Variants in LUZP2 observed in about 807,000 individuals in gnomAD.
LUZP2 encodes the protein leucine zipper protein 2.
Under a neutral mutation model 51.6 loss-of-function variants are expected in LUZP2, and 52 were observed. That is an observed-to-expected ratio of 1.01 (90% CI 0.81 to 1.27). The LOEUF (loss-of-function observed/expected upper bound fraction) is 1.27, where lower values mean the gene tolerates loss of function less well. Among genes scored for constraint, LUZP2 ranks in the 50% most tolerant of loss-of-function variants. The pLI is 0.00. For synonymous variants in LUZP2, 154 were observed against 137.3 expected (o/e 1.12, Z -0.85); for missense variants, 436 against 395.4 (o/e 1.10, Z -0.87).
At position 24,523,498 on chromosome 11, in the gene LUZP2, CA is replaced by C. The variant is rs61432027; in HGVS notation, c.62+26201del. Among the ~76,000 whole-genome samples, 7 of 148,386 alleles carry C rather than the reference CA, an allele frequency of 4.7e-5. No individual in the cohort carries two copies. In the East Asian group the frequency reaches 9.9e-4, roughly 21 times the overall value. On this transcript the variant is annotated intron_variant, in intron 1 of 11. Coordinates refer to ENST00000336930, the MANE Select transcript of LUZP2 (RefSeq NM_001009909.4). ...TAAAATATCAAGCTTCTTTTTTTTA[CA>C]AAAAAAAGAATACTTCGTTGATTTT...
At chr11:24,777,053 G>A (rs1848948793) in intron 5 of LUZP2, among the ~76,000 whole-genome samples, 1 of 150,088 alleles carries the variant, frequency 6.7e-6, no homozygotes, top group Non-Finnish European at 1.5e-5. Flanking sequence ...GGAGTGCAGT[G>A]GTGTGATCTC....
chr11:24,805,772 G>C (rs1849838071), intron 5 of LUZP2, among the ~76,000 whole-genome samples: 2 of 152,132 alleles, frequency 1.3e-5, no homozygotes, highest in Admixed American at 1.3e-4. Flanking sequence ...AAGTAGTTTG[G>C]GAAAAGGAAT....
At chr11:24,890,952 G>C (rs1223692198) in intron 5 of LUZP2, 22 of 496,168 alleles carry the variant, frequency 4.4e-5, no homozygotes, top group African/African-American at 4.2e-4. Context: ...CTCTTATGAT[G>C]AAAATACAAC....
Position 25,078,618 on chromosome 11 carries a change from G to A in LUZP2, c.1001G>A (p.Ser334Asn), listed in dbSNP as rs970443333. ...VKKAPEKPLT[S>N]FEGMAAREEK... ...AAAGCCCCAGAAAAACCATTGACCA[G>A]CTTTGAAGGGATGGCAGCTAGAGAA... The change falls in exon 12 of 12, where the codon AGC becomes AAC. Residue 334 changes from serine to asparagine, a missense_variant. Physicochemically the swap from Ser to Asn is conservative, Grantham distance 46 (BLOSUM62 1). Coordinates refer to ENST00000336930, the MANE Select transcript of LUZP2 (RefSeq NM_001009909.4). 9.3e-6 allele frequency: 15 copies of A among 1,610,460 alleles called. No homozygotes were observed. Among genetic ancestry groups the A allele is most frequent in the African/African-American group, 2.7e-5 (2 of 74,568 alleles).
intron 10 of LUZP2, among the ~76,000 whole-genome samples, chr11:25,073,500 C>T (rs1046267517): frequency 6.6e-6 from 1 of 152,148 alleles, no homozygotes; most frequent in Non-Finnish European, 1.5e-5. Context: ...CTGGGCTGTG[C>T]CCATTGCTGC....
chr11:24,566,872 T>C (rs1343531486), intron 1 of LUZP2, among the ~76,000 whole-genome samples: 4 of 143,504 alleles, frequency 2.8e-5, no homozygotes, highest in Non-Finnish European at 1.5e-5. Flanking sequence ...TATATACACA[T>C]ATTTATAACA....
intron 9 of LUZP2, among the ~76,000 whole-genome samples, chr11:24,995,895 A>G (rs563149334): frequency 1.8e-4 from 27 of 152,022 alleles, no homozygotes; most frequent in Middle Eastern, 3.4e-3. Context: ...GTCATTCTAA[A>G]TTCAGTGTTA....
chr11:24,806,584 C>T (rs752540045), intron 5 of LUZP2, among the ~76,000 whole-genome samples: 1 of 151,970 alleles, frequency 6.6e-6, no homozygotes, highest in African/African-American at 2.4e-5. Context: ...AAAATTCTCA[C>T]TACAAAGAAA....
chr11:24,989,478 T>A (rs1388626168), intron 9 of LUZP2, among the ~76,000 whole-genome samples: 1 of 152,074 alleles, frequency 6.6e-6, no homozygotes, highest in Non-Finnish European at 1.5e-5. Flanking sequence ...GAAGCTAATG[T>A]TATGGGAGAC....
chr11:25,053,542 C>CTT (rs35513610), intron 10 of LUZP2, among the ~76,000 whole-genome samples: 1 of 145,090 alleles, frequency 6.9e-6, no homozygotes, highest in African/African-American at 2.5e-5. Context: ...TCCCACATGC[C>CTT]TTTTTTTTTT....
chr11:24,926,587 G>A (rs1200321187), intron 7 of LUZP2, among the ~76,000 whole-genome samples: 1 of 146,686 alleles, frequency 6.8e-6, no homozygotes, highest in Non-Finnish European at 1.5e-5. Context: ...GTATATATAT[G>A]TGTGTATATA....
At chr11:24,776,477 A>C (rs1410595026) in intron 5 of LUZP2, among the ~76,000 whole-genome samples, 1 of 152,214 alleles carries the variant, frequency 6.6e-6, no homozygotes, top group African/African-American at 2.4e-5. Flanking sequence ...ATTATAGAAG[A>C]GTACCTGGAC....
chr11:24,560,760 T>C (rs1400214354), intron 1 of LUZP2, among the ~76,000 whole-genome samples: 1 of 152,178 alleles, frequency 6.6e-6, no homozygotes, highest in East Asian at 1.9e-4. Flanking sequence ...TAAGGGAGTA[T>C]TACAACAGTC....
At chr11:24,755,015 G>A (rs1355646842) in intron 4 of LUZP2, among the ~76,000 whole-genome samples, 4 of 151,892 alleles carry the variant, frequency 2.6e-5, no homozygotes, top group African/African-American at 7.3e-5. Flanking sequence ...GCATAGTGGC[G>A]GGGCTTGTAA....
chr11:24,531,093 C>T, intron 1 of LUZP2, among the ~76,000 whole-genome samples: 1 of 131,146 alleles, frequency 7.6e-6, no homozygotes, highest in South Asian at 2.2e-4. Context: ...TTTAATATTA[C>T]CATAAAAAAG....
intron 11 of LUZP2, 73 bp downstream of exon 11, chr11:25,077,479 A>T (rs979445903): frequency 2.9e-5 from 17 of 585,850 alleles, no homozygotes; most frequent in East Asian, 5.0e-5. Context: ...ATTTATTTTT[A>T]TTTATATTAT....
At chr11:25,076,927 A>T (rs1252068504) in intron 10 of LUZP2, among the ~76,000 whole-genome samples, 1 of 152,106 alleles carries the variant, frequency 6.6e-6, no homozygotes, top group African/African-American at 2.4e-5. Context: ...CATTACTTAC[A>T]TTGCTTCCTA....
At chr11:24,549,979 T>C (rs1248112119) in intron 1 of LUZP2, among the ~76,000 whole-genome samples, 1 of 151,986 alleles carries the variant, frequency 6.6e-6, no homozygotes, top group Non-Finnish European at 1.5e-5. Context: ...TGTTAGTACA[T>C]ATCAACAGGA....
At chr11:24,675,439 T>C (rs902353347) in intron 1 of LUZP2, among the ~76,000 whole-genome samples, 19 of 152,326 alleles carry the variant, frequency 1.2e-4, no homozygotes, top group African/African-American at 3.6e-4. Context: ...TTGTTAAATT[T>C]TAGAGTTTTC....
Sources: gnomAD v4.1 joint callset for allele counts (sites outside exome capture counted in the v4.1 genomes callset) on GRCh38, gnomAD v4.1.1 for gene constraint, MANE v1.5 for transcripts, NCBI Gene and HGNC (gene_info 2026-07-23, HGNC 2026-07-21) for gene names.